The following CPA6 variants were observed in gnomAD, a reference collection of about 807,000 sequenced individuals.
The protein encoded by CPA6 is carboxypeptidase B.
In CPA6, 58 loss-of-function variants were observed where a neutral mutation model predicts 63.3. The observed-to-expected ratio is 0.92, with a 90% CI of 0.74 to 1.14. The LOEUF is 1.14. Among genes scored for constraint, CPA6 ranks in the 50% most tolerant of loss-of-function variants. The pLI is 0.00. For missense variants in CPA6, 565 were observed against 526.6 expected (o/e 1.07, Z -0.71); for synonymous variants, 185 against 179.0 (o/e 1.03, Z -0.27).
intron 6 of CPA6, among the ~76,000 whole-genome samples, chr8:67,494,818 C>G (rs186877539): frequency 6.6e-6 from 1 of 152,284 alleles, no homozygotes; most frequent in Non-Finnish European, 1.5e-5. Flanking sequence ...GTAATACAGA[C>G]AAGAAAAGTA....
At chr8:67,574,006 A>T (rs924073793) in intron 2 of CPA6, among the ~76,000 whole-genome samples, 1 of 151,944 alleles carries the variant, frequency 6.6e-6, no homozygotes, top group African/African-American at 2.4e-5. Flanking sequence ...CTGTTAAAAG[A>T]TCTATACTAC....
intron 1 of CPA6, among the ~76,000 whole-genome samples, chr8:67,738,104 A>AT (rs1817848719): frequency 6.6e-6 from 1 of 152,206 alleles, no homozygotes; most frequent in Non-Finnish European, 1.5e-5. Flanking sequence ...TCAAAAAAAA[A>AT]CAAGTGAAAG....
At chr8:67,509,386 G>A in intron 5 of CPA6, 131 bp downstream of exon 5, 1 of 493,084 alleles carries the variant, frequency 2.0e-6, no homozygotes, top group Non-Finnish European at 3.6e-6. Flanking sequence ...AAGTATTTCT[G>A]AGATTATCAG....
At chr8:67,432,528 T>C (rs557286784) in intron 9 of CPA6, among the ~76,000 whole-genome samples, 2 of 152,286 alleles carry the variant, frequency 1.3e-5, no homozygotes, top group East Asian at 3.9e-4. Flanking sequence ...GGCATGAACA[T>C]GTCTCACTGC....
intron 1 of CPA6, among the ~76,000 whole-genome samples, chr8:67,714,708 T>C (rs912910382): frequency 6.6e-5 from 10 of 152,130 alleles, no homozygotes; most frequent in Non-Finnish European, 1.5e-5. Flanking sequence ...TTAAGTGCCT[T>C]CCTTAGCTCT....
chr8:67,486,481 T>C (rs1811479165), intron 6 of CPA6, among the ~76,000 whole-genome samples: 1 of 152,262 alleles, frequency 6.6e-6, no homozygotes, highest in Non-Finnish European at 1.5e-5. Flanking sequence ...AAATACACTC[T>C]ATGATGTTCA....
rs1811714617 is a variant in CPA6 at position 67,496,519 on chromosome 8, T to TATATATA, written c.636+10267_636+10268insTATATAT. Among the ~76,000 whole-genome samples the TATATATA allele has an allele frequency of 3.3e-4, 31 of 94,124 alleles. 1 individual carries two copies. Among genetic ancestry groups the TATATATA allele is most frequent in the African/African-American group, 1.3e-3 (27 of 20,046 alleles). 61.7% of individuals were successfully genotyped at this position (94,124 alleles called of 152,430 possible). A position where few individuals can be genotyped will look rare whatever the true frequency, so the allele number is the denominator to read the frequency against. The stretch of plus-strand genomic sequence containing the variant: ...TGTGCAACCATCACCACTATATAGT[T>TATATATA]TATATATATATATATATATATATAT... On this transcript the variant is annotated intron_variant, in intron 6 of 10. Coordinates refer to ENST00000297770, the MANE Select transcript of CPA6 (RefSeq NM_020361.5).
intron 1 of CPA6, among the ~76,000 whole-genome samples, chr8:67,682,638 G>T (rs933948218): frequency 6.6e-6 from 1 of 152,146 alleles, no homozygotes; most frequent in African/African-American, 2.4e-5. Context: ...ATATTTCTGA[G>T]TTTTTTTGCA....
intron 2 of CPA6, among the ~76,000 whole-genome samples, chr8:67,543,360 C>T (rs1341179444): frequency 6.6e-6 from 1 of 152,204 alleles, no homozygotes; most frequent in Non-Finnish European, 1.5e-5. Flanking sequence ...AGCACGATAT[C>T]AAGGGGCTTG....
At chr8:67,484,623 C>G in intron 7 of CPA6, 56 bp downstream of exon 7, 1 of 921,852 alleles carries the variant, frequency 1.1e-6, no homozygotes, top group East Asian at 2.5e-5. Context: ...GTTTGTGACT[C>G]TGTTTTCTAT....
At chr8:67,682,392 G>A (rs750778934) in intron 1 of CPA6, among the ~76,000 whole-genome samples, 1 of 151,750 alleles carries the variant, frequency 6.6e-6, no homozygotes, top group Non-Finnish European at 1.5e-5. Context: ...TGTCTTTTTC[G>A]TATTTTCTGT....
chr8:67,496,275 C>T (rs1811708063), intron 6 of CPA6, among the ~76,000 whole-genome samples: 1 of 151,870 alleles, frequency 6.6e-6, no homozygotes, highest in Non-Finnish European at 1.5e-5. Context: ...GTGCAGTTAC[C>T]ATGATTTACA....
intron 1 of CPA6, among the ~76,000 whole-genome samples, chr8:67,727,774 G>A (rs1587732672): frequency 6.6e-6 from 1 of 152,264 alleles, no homozygotes; most frequent in Non-Finnish European, 1.5e-5. Context: ...CATCCCATTA[G>A]AATCATTTAA....
intron 2 of CPA6, among the ~76,000 whole-genome samples, chr8:67,569,210 G>A (rs1360171047): frequency 6.6e-6 from 1 of 152,176 alleles, no homozygotes; most frequent in African/African-American, 2.4e-5. Flanking sequence ...TAAAGACAGA[G>A]TTCTGAGAGC....
intron 1 of CPA6, among the ~76,000 whole-genome samples, chr8:67,645,451 T>C (rs1815693445): frequency 1.3e-5 from 2 of 152,218 alleles, no homozygotes; most frequent in Admixed American, 1.3e-4. Context: ...GTATCTTATC[T>C]ACTGGCATAT....
chr8:67,685,749 T>G (rs1226136758), intron 1 of CPA6, among the ~76,000 whole-genome samples: 2 of 152,256 alleles, frequency 1.3e-5, no homozygotes, highest in African/African-American at 4.8e-5. Flanking sequence ...TCTTCATTTG[T>G]GGCATATACC....
intron 2 of CPA6, among the ~76,000 whole-genome samples, chr8:67,582,619 G>A (rs889663455): frequency 4.6e-5 from 7 of 152,174 alleles, no homozygotes; most frequent in Non-Finnish European, 1.0e-4. Context: ...GTTTCATCAT[G>A]TAGAAATTTT....
At chr8:67,681,371 G>A (rs1489432877) in intron 1 of CPA6, among the ~76,000 whole-genome samples, 2 of 149,706 alleles carry the variant, frequency 1.3e-5, no homozygotes, top group East Asian at 3.9e-4. Context: ...CACCGTGCCC[G>A]GCTAATTTTT....
intron 1 of CPA6, among the ~76,000 whole-genome samples, chr8:67,651,887 C>T (rs545423775): frequency 6.6e-6 from 1 of 151,540 alleles, no homozygotes; most frequent in Non-Finnish European, 1.5e-5. Context: ...AGCTATCCCT[C>T]CCCCCTGCCC....
Sources: allele counts gnomAD v4.1 joint callset (sites outside exome capture counted in the v4.1 genomes callset), GRCh38; gene constraint gnomAD v4.1.1; transcripts MANE v1.5; gene names NCBI Gene and HGNC (gene_info 2026-07-23, HGNC 2026-07-21).